TRIM9: variants seen among roughly 807,000 people sequenced by gnomAD.
The protein encoded by TRIM9 is tripartite motif containing 9, also known as E3 ubiquitin-protein ligase TRIM9.
Under a neutral mutation model 78.3 loss-of-function variants are expected in TRIM9, and 26 were observed. That is an observed-to-expected ratio of 0.33 (90% CI 0.24 to 0.46). The LOEUF (loss-of-function observed/expected upper bound fraction) is 0.46. Ranked by LOEUF, TRIM9 falls within the 20% of genes least tolerant of loss-of-function variation. The pLI is 1.00. For synonymous variants in TRIM9, 398 were observed against 416.5 expected, an observed-to-expected ratio of 0.96 and a Z score of 0.54; for missense variants, 787 against 1,036.4, an observed-to-expected ratio of 0.76 and a Z score of 3.30.
intron 1 of TRIM9, among the ~76,000 whole-genome samples, chr14:51,066,683 C>T (rs1444509090): frequency 1.3e-5 from 2 of 152,198 alleles, no homozygotes; most frequent in East Asian, 1.9e-4. Flanking sequence ...ACATTCAAAG[C>T]ACTCCAGTCT....
chr14:50,977,844 T>G (rs2139257404), intron 12 of TRIM9, among the ~76,000 whole-genome samples: 1 of 152,182 alleles, frequency 6.6e-6, no homozygotes, highest in East Asian at 1.9e-4. Flanking sequence ...TTTTACCAAT[T>G]TCCGTGTATC....
intron 3 of TRIM9, among the ~76,000 whole-genome samples, chr14:51,015,873 C>T (rs2057136513): frequency 2.0e-5 from 3 of 152,148 alleles, no homozygotes. Context: ...GAACTGCAGC[C>T]TAAGTAAACA....
At chr14:51,014,710 C>A (rs1339950553) in intron 3 of TRIM9, among the ~76,000 whole-genome samples, 1 of 152,220 alleles carries the variant, frequency 6.6e-6, no homozygotes, top group Non-Finnish European at 1.5e-5. Flanking sequence ...TTGCGTTACT[C>A]ATACCACATT....
At chr14:51,007,482 T>G (rs2139601919) in intron 5 of TRIM9, among the ~76,000 whole-genome samples, 1 of 152,326 alleles carries the variant, frequency 6.6e-6, no homozygotes, top group Non-Finnish European at 1.5e-5. Context: ...GGCACCAGCT[T>G]TACAGCACAA....
chr14:51,069,196 T>C (rs2140219115), intron 1 of TRIM9, among the ~76,000 whole-genome samples: 1 of 152,328 alleles, frequency 6.6e-6, no homozygotes, highest in African/African-American at 2.4e-5. Context: ...CTTAGATTGA[T>C]TCCATTTCCA....
At chr14:51,080,329 T>G (rs2063182977) in intron 1 of TRIM9, among the ~76,000 whole-genome samples, 1 of 152,000 alleles carries the variant, frequency 6.6e-6, no homozygotes, top group Non-Finnish European at 1.5e-5. Context: ...TAATGTAAAC[T>G]TTGATAGTTG....
chr14:51,051,186 T>A (rs1352511109), intron 1 of TRIM9, among the ~76,000 whole-genome samples: 1 of 152,216 alleles, frequency 6.6e-6, no homozygotes, highest in Non-Finnish European at 1.5e-5. Context: ...AATATTATCA[T>A]ACCCAGATAA....
chr14:51,025,625 C>T (rs1455409979), intron 1 of TRIM9, among the ~76,000 whole-genome samples: 1 of 152,186 alleles, frequency 6.6e-6, no homozygotes, highest in Admixed American at 6.5e-5. Flanking sequence ...TTCTTCATCT[C>T]CTCCTTCATT....
chr14:51,000,248 T>C (rs1346770321), intron 6 of TRIM9, among the ~76,000 whole-genome samples: 1 of 152,228 alleles, frequency 6.6e-6, no homozygotes, highest in Non-Finnish European at 1.5e-5. Context: ...TAACTAATAA[T>C]GAACGCTTGC....
At position 50,998,122 on chromosome 14, in the gene TRIM9, C is replaced by A. The variant is rs2054463479; in HGVS notation, c.1531G>T (p.Ala511Ser). Reference sequence around the variant, plus strand: ...GTTTTGTTGAAGGCCTTGACCCGAGCGTTGTATGTGCTGTTGAAGTGAAGA... The same window carrying A: ...GTTTTGTTGAAGGCCTTGACCCGAGAGTTGTATGTGCTGTTGAAGTGAAGA... Reference protein sequence around the residue: ...DGLHFNSTYNARVKAFNKTGV... With the variant: ...DGLHFNSTYNSRVKAFNKTGV... The change falls in exon 7 of 13, where the codon GCT becomes TCT. Residue 511 changes from alanine to serine, a missense_variant. Transcript: ENST00000684578. 6.2e-7 allele frequency: 1 copy of A among 1,614,194 alleles called. No individual in the cohort carries two copies.
intron 8 of TRIM9, 60 bp downstream of exon 8, chr14:50,985,896 T>C: frequency 6.7e-6 from 9 of 1,347,362 alleles, no homozygotes; most frequent in Non-Finnish European, 8.7e-6. Flanking sequence ...AAGACACGCG[T>C]TTCAGAGATG....
rs143913655 is a variant in TRIM9, at chr14:50,994,075, A to C, written c.1603+3975T>G. ...TGAGATGGGGGGATTATACTGGATTATCCAGGTGGGCTCAAGGTAATCACA... is the reference window on the plus strand; with the variant it reads ...TGAGATGGGGGGATTATACTGGATTCTCCAGGTGGGCTCAAGGTAATCACA... On this transcript the variant is annotated intron_variant, in intron 7 of 12. Coordinates refer to ENST00000684578, the MANE Select transcript of TRIM9 (RefSeq NM_001387360.1). 3.3e-5 allele frequency among the ~76,000 whole-genome samples: 5 copies of C among 152,328 alleles called. No individual in the cohort carries two copies. In the East Asian group the frequency reaches 9.6e-4, roughly 29 times the overall value.
rs74421221 is a variant in TRIM9, at chr14:51,023,555, C to G, written c.919-598G>C. Among the ~76,000 whole-genome samples the G allele has an allele frequency of 8.4e-3, 1,276 of 152,230 alleles. 20 individuals carry two copies. Among genetic ancestry groups the G allele is most frequent in the African/African-American group, 0.029 (1,213 of 41,518 alleles). On this transcript the variant is annotated intron_variant, in intron 2 of 12. Coordinates refer to ENST00000684578, the MANE Select transcript of TRIM9 (RefSeq NM_001387360.1). ...CATAAAAATCAGATATGACCCAACA[C>G]CTTGCAGGGGAAAGGCAACTTCATA...
chr14:51,018,774 A>G (rs2057466945), intron 3 of TRIM9, among the ~76,000 whole-genome samples: 1 of 152,198 alleles, frequency 6.6e-6, no homozygotes, highest in Non-Finnish European at 1.5e-5. Context: ...TTTACCAACC[A>G]CACATGGAAA....
chr14:51,031,119 G>A (rs1337227051), intron 1 of TRIM9, among the ~76,000 whole-genome samples: 1 of 127,538 alleles, frequency 7.8e-6, no homozygotes, highest in African/African-American at 2.9e-5. Flanking sequence ...TTGCACTCCA[G>A]CCTGGGCAAC....
chr14:51,009,884 C>T (rs1300181424), intron 4 of TRIM9, among the ~76,000 whole-genome samples: 4 of 152,182 alleles, frequency 2.6e-5, no homozygotes, highest in Admixed American at 2.6e-4. Context: ...ACCATAGCAT[C>T]TCACTAAAAC....
At chr14:51,029,357 C>T (rs1445630976) in intron 1 of TRIM9, among the ~76,000 whole-genome samples, 4 of 152,176 alleles carry the variant, frequency 2.6e-5, no homozygotes, top group African/African-American at 9.7e-5. Flanking sequence ...CGTGGGGCAC[C>T]TTCTGGTGCT....
chr14:50,997,917 T>C (rs2054433294), intron 7 of TRIM9, 133 bp downstream of exon 7: 3 of 1,497,532 alleles, frequency 2.0e-6, no homozygotes, highest in Non-Finnish European at 2.7e-6. Flanking sequence ...GAACAGCGGC[T>C]CTGTGCAGAA....
At chr14:51,029,834 T>A (rs2058577913) in intron 1 of TRIM9, among the ~76,000 whole-genome samples, 1 of 152,248 alleles carries the variant, frequency 6.6e-6, no homozygotes, top group East Asian at 1.9e-4. Flanking sequence ...CCTCATCTGA[T>A]GGCAAACTCA....
Sources: allele counts gnomAD v4.1 joint callset (sites outside exome capture counted in the v4.1 genomes callset), GRCh38; gene constraint gnomAD v4.1.1; transcripts MANE v1.5; gene names NCBI Gene and HGNC (gene_info 2026-07-23, HGNC 2026-07-21).